Variants in TCAIM observed in about 807,000 individuals in gnomAD.
The protein encoded by TCAIM is T-cell activation inhibitor, mitochondrial.
Under a neutral mutation model 58.6 loss-of-function variants are expected in TCAIM, and 36 were observed. The ratio of observed to expected loss-of-function variants is 0.61; its 90% CI spans 0.47 to 0.81. The LOEUF is 0.81. Among genes scored for constraint, TCAIM ranks in the 30% least tolerant of loss-of-function variants. TCAIM has a pLI of 0.00. For missense variants in TCAIM, 466 were observed against 579.6 expected, an observed-to-expected ratio of 0.80 and a Z score of 2.01; for synonymous variants, 172 against 193.6, an observed-to-expected ratio of 0.89 and a Z score of 0.93.
At chr3:44,371,533 T>C (rs754149886) in intron 5 of TCAIM, among the ~76,000 whole-genome samples, 15 of 152,188 alleles carry the variant, frequency 9.9e-5, no homozygotes, top group Non-Finnish European at 2.9e-5. Context: ...ATACTGCTCA[T>C]TGGGCTGTTA....
chr3:44,345,531 C>T (rs1456297478), intron 1 of TCAIM, among the ~76,000 whole-genome samples: 1 of 152,086 alleles, frequency 6.6e-6, no homozygotes, highest in Non-Finnish European at 1.5e-5. Flanking sequence ...TACAGAGTCC[C>T]CTTTTTTTTT....
At position 44,345,274 on chromosome 3, in the gene TCAIM, T is replaced by C. The variant is rs537984936; in HGVS notation, c.-45+6440T>C. 2.6e-5 allele frequency among the ~76,000 whole-genome samples: 4 copies of C among 152,006 alleles called. No homozygotes were observed. In the South Asian group the frequency reaches 6.2e-4, roughly 24 times the overall value. ...ATAGAATGATTGGTGATGGCCTGGA[T>C]ACGGTTTTGTATGAATTGAGAAACT... On this transcript the variant is annotated intron_variant, in intron 1 of 10. Transcript: ENST00000342649.
rs1300018242 is a variant in TCAIM at position 44,359,074 on chromosome 3, A to G, written c.165+1198A>G. The G allele has an allele frequency of 3.1e-6, 3 of 983,254 alleles. No individual in the cohort carries two copies. In the African/African-American group the frequency reaches 5.2e-5, roughly 17 times the overall value. 60.9% of individuals were successfully genotyped at this position (983,254 alleles called of 1,614,324 possible). A position where few individuals can be genotyped will look rare whatever the true frequency, so the allele number is the denominator to read the frequency against. ...GTAATACTTTAATATTATTCTACCA[A>G]TGTATTTTTTTTAATTAAGACTTCT... On this transcript the variant is annotated intron_variant, in intron 3 of 10. Transcript: ENST00000342649.
intron 5 of TCAIM, among the ~76,000 whole-genome samples, chr3:44,385,682 G>T (rs1217795831): frequency 2.6e-5 from 4 of 152,158 alleles, no homozygotes; most frequent in African/African-American, 7.2e-5. Flanking sequence ...GGCGGAGGTT[G>T]CAGTGAGCCG....
intron 1 of TCAIM, among the ~76,000 whole-genome samples, chr3:44,351,406 G>A (rs1053961877): frequency 1.3e-5 from 2 of 151,884 alleles, no homozygotes; most frequent in African/African-American, 4.8e-5. Flanking sequence ...AGTGGTAGAA[G>A]TATTTTCTGT....
intron 1 of TCAIM, among the ~76,000 whole-genome samples, chr3:44,343,275 T>C (rs1700893071): frequency 6.6e-6 from 1 of 152,162 alleles, no homozygotes; most frequent in South Asian, 2.1e-4. Flanking sequence ...ATGTCAAGAT[T>C]TGAATACAAA....
At chr3:44,379,502 G>A (rs1701621717) in intron 5 of TCAIM, among the ~76,000 whole-genome samples, 1 of 152,156 alleles carries the variant, frequency 6.6e-6, no homozygotes, top group Non-Finnish European at 1.5e-5. Context: ...ACTGGTTAAG[G>A]GAAATGTGGT....
At chr3:44,400,840 AAC>A (rs1442930772) in intron 9 of TCAIM, 2 of 524,806 alleles carry the variant, frequency 3.8e-6, no homozygotes, top group African/African-American at 3.8e-5. Flanking sequence ...TCCAATGGAA[AAC>A]ATTATAAGAT....
At chr3:44,372,197 G>T (rs12485791) in intron 5 of TCAIM, among the ~76,000 whole-genome samples, 28 of 152,204 alleles carry the variant, frequency 1.8e-4, no homozygotes, top group Admixed American at 1.6e-3. Context: ...CCGTGGGTGG[G>T]CTTGGAACTA....
At chr3:44,371,638 A>C (rs1054607685) in intron 5 of TCAIM, among the ~76,000 whole-genome samples, 1 of 152,136 alleles carries the variant, frequency 6.6e-6, no homozygotes, top group South Asian at 2.1e-4. Flanking sequence ...AAGGTTTCAT[A>C]TCTCTTATCT....
rs183492277 is a variant in TCAIM at position 44,378,841 on chromosome 3, C to T, written c.572+11133C>T. On this transcript the variant is annotated intron_variant, in intron 5 of 10. Transcript: ENST00000342649. The stretch of plus-strand genomic sequence containing the variant: ...AATTAATACCACAGTGAGATACCAC[C>T]TCATACCAGTTAGAATGGCTAGCAT... 1.0e-3 allele frequency among the ~76,000 whole-genome samples: 155 copies of T among 151,510 alleles called. 1 individual carries two copies. The Middle Eastern group carries it at 0.031, about 30-fold the overall frequency.
intron 4 of TCAIM, 67 bp from the exon 5 acceptor site, chr3:44,367,389 T>G: frequency 1.3e-6 from 2 of 1,494,390 alleles, no homozygotes; most frequent in Non-Finnish European, 1.8e-6. Context: ...AGATTTTGAT[T>G]TTATATATGT....
At position 44,396,944 on chromosome 3, in the gene TCAIM, G is replaced by T. The variant is rs1050277898; in HGVS notation, c.885+110G>T. 4.0e-6 allele frequency: 4 copies of T among 994,380 alleles called. No individual in the cohort carries two copies. In the Admixed American group the frequency reaches 8.6e-5, roughly 21 times the overall value. The allele number at this position is 994,380 out of a possible 1,614,324, so 61.6% of individuals were successfully genotyped here. The stretch of plus-strand genomic sequence containing the variant: ...AAAGGTTTGTTGTGTTTTTGTTTTT[G>T]TTTTTTAATGTTTTTAATCGCAGTA... On this transcript the variant is annotated intron_variant, in intron 8 of 10. Transcript: ENST00000342649.
intron 4 of TCAIM, among the ~76,000 whole-genome samples, chr3:44,366,935 A>G (rs1330575139): frequency 2.0e-5 from 3 of 152,296 alleles, no homozygotes; most frequent in Non-Finnish European, 4.4e-5. Flanking sequence ...TTGGGTTACT[A>G]CCTAGTGGAG....
intron 6 of TCAIM, among the ~76,000 whole-genome samples, chr3:44,394,497 G>A (rs1395837704): frequency 1.3e-5 from 2 of 152,014 alleles, no homozygotes; most frequent in Non-Finnish European, 2.9e-5. Context: ...GCAGACTGGG[G>A]TTAGGAAAAT....
At chr3:44,386,729 T>C (rs974158923) in intron 5 of TCAIM, among the ~76,000 whole-genome samples, 2 of 152,226 alleles carry the variant, frequency 1.3e-5, no homozygotes, top group Non-Finnish European at 2.9e-5. Flanking sequence ...CCCTCCGGAC[T>C]TTGGGCGCTG....
At chr3:44,344,473 C>T (rs1700923561) in intron 1 of TCAIM, among the ~76,000 whole-genome samples, 1 of 152,144 alleles carries the variant, frequency 6.6e-6, no homozygotes, top group Non-Finnish European at 1.5e-5. Context: ...TCTTGCGGTT[C>T]TGGAGTCTGG....
At chr3:44,344,023 CTTTT>C (rs5848695) in intron 1 of TCAIM, among the ~76,000 whole-genome samples, 4 of 118,368 alleles carry the variant, frequency 3.4e-5, no homozygotes, top group East Asian at 2.7e-4. Flanking sequence ...GATGGAAATG[CTTTT>C]TTTTTTTTTT....
intron 5 of TCAIM, among the ~76,000 whole-genome samples, chr3:44,388,833 C>T (rs1701785744): frequency 6.6e-6 from 1 of 152,176 alleles, no homozygotes; most frequent in South Asian, 2.1e-4. Context: ...CCAGGTTCAT[C>T]TGGACTGTTC....
Sources: allele counts gnomAD v4.1 joint callset (sites outside exome capture counted in the v4.1 genomes callset), GRCh38; gene constraint gnomAD v4.1.1; transcripts MANE v1.5; gene names NCBI Gene and HGNC (gene_info 2026-07-23, HGNC 2026-07-21).